The following CDH18 variants were observed in gnomAD, a reference collection of about 807,000 sequenced individuals.
CDH18 encodes the protein cadherin-18.
Under a neutral mutation model 67.9 loss-of-function variants are expected in CDH18, and 31 were observed. The ratio of observed to expected loss-of-function variants is 0.46; its 90% CI spans 0.34 to 0.62. The LOEUF (loss-of-function observed/expected upper bound fraction) is 0.62. Ranked by LOEUF, CDH18 falls within the 20% of genes least tolerant of loss-of-function variation. CDH18 has a pLI of 0.01. For missense variants in CDH18, 890 were observed against 975.5 expected, an observed-to-expected ratio of 0.91 and a Z score of 1.17; for synonymous variants, 362 against 347.2, an observed-to-expected ratio of 1.04 and a Z score of -0.48.
intron 3 of CDH18, among the ~76,000 whole-genome samples, chr5:19,825,470 T>G (rs959018808): frequency 2.0e-5 from 3 of 152,050 alleles, no homozygotes; most frequent in African/African-American, 7.2e-5. Context: ...TGCAACCCCA[T>G]GTTCCCCTGG....
intron 2 of CDH18, among the ~76,000 whole-genome samples, chr5:20,035,602 T>A (rs1739785754): frequency 6.6e-6 from 1 of 151,850 alleles, no homozygotes; most frequent in Non-Finnish European, 1.5e-5. Context: ...AAGAACTCCC[T>A]CACTATCATG....
intron 1 of CDH18, among the ~76,000 whole-genome samples, chr5:20,334,128 A>ATTTTTTTTTTTTTTTTTTTT (rs1390783093): frequency 8.4e-6 from 1 of 118,348 alleles, no homozygotes; most frequent in African/African-American, 3.5e-5. Context: ...TCTGACTTGA[A>ATTTTTTTTTTTTTTTTTTTT]TTCTTTTTTT....
intron 5 of CDH18, among the ~76,000 whole-genome samples, chr5:19,637,148 TTCTTTTTCTTTC>T (rs1753272333): frequency 6.7e-6 from 1 of 149,840 alleles, no homozygotes; most frequent in South Asian, 2.1e-4. Flanking sequence ...CTTTCTTTCT[TTCTTTTTCTTTC>T]TTTCTTTCTT....
At chr5:20,284,322 T>C (rs1746514589) in intron 1 of CDH18, among the ~76,000 whole-genome samples, 1 of 152,008 alleles carries the variant, frequency 6.6e-6, no homozygotes, top group Non-Finnish European at 1.5e-5. Context: ...ATGTGGTGCA[T>C]GCCTGCATCA....
chr5:20,410,220 C>T (rs538534085), intron 1 of CDH18, among the ~76,000 whole-genome samples: 3 of 151,706 alleles, frequency 2.0e-5, no homozygotes, highest in African/African-American at 7.2e-5. Flanking sequence ...AATTAATACA[C>T]ATACAAAAGT....
chr5:19,693,881 GTGAGAC>G (rs1762213790), intron 5 of CDH18, among the ~76,000 whole-genome samples: 2 of 130,448 alleles, frequency 1.5e-5, no homozygotes, highest in Admixed American at 8.7e-5. Flanking sequence ...GGGCGACAAA[GTGAGAC>G]TCTGTCTGAA....
chr5:20,135,682 T>G (rs1286328088), intron 2 of CDH18, among the ~76,000 whole-genome samples: 1 of 152,190 alleles, frequency 6.6e-6, no homozygotes, highest in African/African-American at 2.4e-5. Context: ...AATTGTGATG[T>G]TAGGGTGTCA....
chr5:19,870,600 C>T (rs1786152267), intron 2 of CDH18, among the ~76,000 whole-genome samples: 1 of 152,058 alleles, frequency 6.6e-6, no homozygotes, highest in African/African-American at 2.4e-5. Flanking sequence ...GCCACACCTC[C>T]CCTGAGCAAG....
At chr5:19,818,177 T>A (rs1007694406) in intron 3 of CDH18, among the ~76,000 whole-genome samples, 3 of 152,112 alleles carry the variant, frequency 2.0e-5, no homozygotes, top group African/African-American at 7.2e-5. Flanking sequence ...ATGTCAACAG[T>A]ATTTTTCAAT....
At chr5:19,493,530 G>T (rs1421925767) in intron 11 of CDH18, among the ~76,000 whole-genome samples, 1 of 136,712 alleles carries the variant, frequency 7.3e-6, no homozygotes, top group East Asian at 2.1e-4. Context: ...CAGCCCGAGG[G>T]AATTGGGGTG....
chr5:19,715,102 A>C lies in CDH18; in HGVS notation c.643+6245T>G, dbSNP rs556029935. ...TATGAAATGATACAAAATGAAATTT[A>C]AAATCTATAGGACTTCCAAAGATGC... On this transcript the variant is annotated intron_variant, in intron 5 of 12. Coordinates refer to ENST00000382275, the MANE Select transcript of CDH18 (RefSeq NM_004934.5). 2.0e-4 allele frequency among the ~76,000 whole-genome samples: 31 copies of C among 152,270 alleles called. No individual in the cohort carries two copies. In the South Asian group the frequency reaches 5.0e-3, roughly 24 times the overall value.
intron 2 of CDH18, among the ~76,000 whole-genome samples, chr5:19,870,237 C>T (rs771550405): frequency 2.5e-4 from 38 of 152,042 alleles, no homozygotes; most frequent in Non-Finnish European, 1.3e-4. Flanking sequence ...ATTTTAGTCC[C>T]TTACAGGTCA....
intron 1 of CDH18, among the ~76,000 whole-genome samples, chr5:20,464,030 T>C (rs914107774): frequency 3.9e-5 from 6 of 152,164 alleles, no homozygotes; most frequent in Non-Finnish European, 8.8e-5. Flanking sequence ...ATGGTTTGGA[T>C]ACATGAAAGC....
At chr5:19,864,106 C>T (rs1288967752) in intron 2 of CDH18, among the ~76,000 whole-genome samples, 13 of 150,224 alleles carry the variant, frequency 8.7e-5, no homozygotes, top group Admixed American at 6.7e-4. Context: ...CTATTCACAA[C>T]AGCAAAGACT....
At chr5:20,501,511 T>C (rs1368212085) in intron 1 of CDH18, among the ~76,000 whole-genome samples, 1 of 34,442 alleles carries the variant, frequency 2.9e-5, no homozygotes, top group African/African-American at 8.7e-5. Context: ...ATATTTTATA[T>C]ATATTATATA....
intron 2 of CDH18, among the ~76,000 whole-genome samples, chr5:20,003,346 A>T (rs1464079071): frequency 6.6e-6 from 1 of 152,010 alleles, no homozygotes; most frequent in African/African-American, 2.4e-5. Flanking sequence ...TTGTGGGTAG[A>T]AGATTAAAAT....
intron 3 of CDH18, among the ~76,000 whole-genome samples, chr5:19,771,218 G>C (rs1773690582): frequency 6.6e-6 from 1 of 152,180 alleles, no homozygotes; most frequent in Non-Finnish European, 1.5e-5. Flanking sequence ...GTCTTTTTGA[G>C]TTTGGGTGGG....
At chr5:20,146,657 C>T (rs1365675687) in intron 2 of CDH18, among the ~76,000 whole-genome samples, 1 of 150,912 alleles carries the variant, frequency 6.6e-6, no homozygotes, top group Non-Finnish European at 1.5e-5. Flanking sequence ...AATGGCTGTG[C>T]CCTAAATGTA....
intron 1 of CDH18, among the ~76,000 whole-genome samples, chr5:20,331,711 G>C (rs981752973): frequency 1.3e-5 from 2 of 152,106 alleles, no homozygotes; most frequent in Non-Finnish European, 2.9e-5. Flanking sequence ...CCCCCCAGCT[G>C]GAGGAATTAC....
Sources: gnomAD v4.1 joint callset for allele counts (sites outside exome capture counted in the v4.1 genomes callset) on GRCh38, gnomAD v4.1.1 for gene constraint, MANE v1.5 for transcripts, NCBI Gene and HGNC (gene_info 2026-07-23, HGNC 2026-07-21) for gene names.